Variants in MAGI2 observed in about 807,000 individuals in gnomAD.
The protein encoded by MAGI2 is membrane-associated guanylate kinase, WW and PDZ domain-containing protein 2.
In MAGI2, 35 loss-of-function variants were observed where a neutral mutation model predicts 133.3. The observed-to-expected ratio is 0.26, with a 90% CI of 0.20 to 0.35. The LOEUF is 0.35. Ranked by LOEUF, MAGI2 falls within the 10% of genes least tolerant of loss-of-function variation. The pLI, the probability that MAGI2 is intolerant of heterozygous loss-of-function variation, is 1.00. For synonymous variants in MAGI2, 729 were observed against 710.6 expected, an observed-to-expected ratio of 1.03 and a Z score of -0.41; for missense variants, 1,636 against 1,863.4, an observed-to-expected ratio of 0.88 and a Z score of 2.25.
intron 6 of MAGI2, among the ~76,000 whole-genome samples, chr7:78,395,489 A>C (rs1285652349): frequency 2.0e-5 from 3 of 152,068 alleles, no homozygotes; most frequent in Non-Finnish European, 4.4e-5. Flanking sequence ...CAAAACATCC[A>C]CCAGTAATCA....
intron 1 of MAGI2, among the ~76,000 whole-genome samples, chr7:79,395,391 T>C (rs1305381239): frequency 6.6e-6 from 1 of 152,158 alleles, no homozygotes; most frequent in Non-Finnish European, 1.5e-5. Flanking sequence ...TTCAGAAAGC[T>C]TATAATTGGT....
intron 2 of MAGI2, among the ~76,000 whole-genome samples, chr7:78,991,937 C>A (rs1423794802): frequency 6.6e-6 from 1 of 151,924 alleles, no homozygotes; most frequent in East Asian, 1.9e-4. Context: ...TCTTTCCTTC[C>A]TACTCTTCTC....
intron 21 of MAGI2, among the ~76,000 whole-genome samples, chr7:78,059,777 A>ATATATATATATTTT (rs368179491): frequency 1.4e-5 from 2 of 146,086 alleles, no homozygotes; most frequent in Non-Finnish European, 3.0e-5. Context: ...ATATATATAT[A>ATATATATATATTTT]TTTTTTTTCT....
At chr7:79,317,302 G>T (rs755371185) in intron 1 of MAGI2, among the ~76,000 whole-genome samples, 1 of 152,096 alleles carries the variant, frequency 6.6e-6, no homozygotes, top group Non-Finnish European at 1.5e-5. Context: ...GGGATTACAG[G>T]CATGAGCCTG....
At chr7:79,011,921 CT>C (rs1562785360) in intron 1 of MAGI2, among the ~76,000 whole-genome samples, 2 of 125,566 alleles carry the variant, frequency 1.6e-5, no homozygotes, top group Non-Finnish European at 3.4e-5. Context: ...TCCTTCCTTC[CT>C]TCCTTTCTTT....
chr7:79,391,518 T>TATATATATATATAGAC (rs1844627226), intron 1 of MAGI2, among the ~76,000 whole-genome samples: 3 of 59,576 alleles, frequency 5.0e-5, no homozygotes, highest in African/African-American at 5.0e-4. Flanking sequence ...CATATATATA[T>TATATATATATATAGAC]ATATATATAT....
intron 2 of MAGI2, among the ~76,000 whole-genome samples, chr7:78,889,195 A>C (rs1338434079): frequency 1.3e-5 from 2 of 151,128 alleles, no homozygotes; most frequent in Non-Finnish European, 2.9e-5. Flanking sequence ...AATAAAAAGA[A>C]ATGAACAAAG....
chr7:78,992,046 G>T (rs1015206596), intron 2 of MAGI2, among the ~76,000 whole-genome samples: 1 of 151,958 alleles, frequency 6.6e-6, no homozygotes, highest in Admixed American at 6.6e-5. Flanking sequence ...TTAAGTTTGA[G>T]TCCTTATTAG....
At chr7:78,924,901 T>G (rs1050122311) in intron 2 of MAGI2, among the ~76,000 whole-genome samples, 5 of 151,606 alleles carry the variant, frequency 3.3e-5, no homozygotes, top group African/African-American at 9.7e-5. Flanking sequence ...GATTTTAAAT[T>G]TAAAGTCCCC....
chr7:78,922,921 A>T (rs1337828024), intron 2 of MAGI2, among the ~76,000 whole-genome samples: 1 of 151,506 alleles, frequency 6.6e-6, no homozygotes, highest in Non-Finnish European at 1.5e-5. Context: ...TGTGGTTTTG[A>T]TTTGCATTTC....
At chr7:78,556,070 A>G (rs1799795797) in intron 3 of MAGI2, among the ~76,000 whole-genome samples, 1 of 152,182 alleles carries the variant, frequency 6.6e-6, no homozygotes, top group Non-Finnish European at 1.5e-5. Flanking sequence ...CTTCAATCAT[A>G]ATGCCCTATA....
At chr7:79,258,750 C>T (rs1833873900) in intron 1 of MAGI2, among the ~76,000 whole-genome samples, 2 of 152,186 alleles carry the variant, frequency 1.3e-5, no homozygotes, top group Admixed American at 6.5e-5. Context: ...CTGCCTTGGC[C>T]TCCCAAGAGG....
At chr7:79,118,625 T>G (rs1389843859) in intron 1 of MAGI2, among the ~76,000 whole-genome samples, 2 of 152,166 alleles carry the variant, frequency 1.3e-5, no homozygotes, top group Non-Finnish European at 2.9e-5. Flanking sequence ...TTCAGCTGTT[T>G]ATATAACATT....
At chr7:79,168,335 T>C (rs1254434583) in intron 1 of MAGI2, among the ~76,000 whole-genome samples, 1 of 152,108 alleles carries the variant, frequency 6.6e-6, no homozygotes, top group African/African-American at 2.4e-5. Flanking sequence ...GTCTAGCATA[T>C]ATTTTGCTAA....
At position 78,373,551 on chromosome 7, in the gene MAGI2, A is replaced by G. The variant is rs62461498; in HGVS notation, c.1046-4338T>C. 3.8e-4 allele frequency among the ~76,000 whole-genome samples: 3 copies of G among 7,974 alleles called. No homozygotes were observed. In the Admixed American group the frequency reaches 5.2e-3, roughly 14 times the overall value. 5.2% of individuals were successfully genotyped at this position (7,974 alleles called of 152,430 possible). A position where few individuals can be genotyped will look rare whatever the true frequency, so the allele number is the denominator to read the frequency against. On this transcript the variant is annotated intron_variant, in intron 6 of 21. Transcript: ENST00000354212. The stretch of plus-strand genomic sequence containing the variant: ...GGAAAAATCTAGGTCACTTACTCTT[A>G]CTATTGGAGGGCTCCTACTCACACT...
At chr7:78,094,336 T>G (rs1371950416) in intron 20 of MAGI2, among the ~76,000 whole-genome samples, 1 of 152,236 alleles carries the variant, frequency 6.6e-6, no homozygotes, top group Non-Finnish European at 1.5e-5. Context: ...TTCCATTCAA[T>G]TTCTTGCATT....
intron 6 of MAGI2, among the ~76,000 whole-genome samples, chr7:78,395,803 A>G (rs1796297532): frequency 6.6e-6 from 1 of 152,214 alleles, no homozygotes; most frequent in African/African-American, 2.4e-5. Context: ...TGTGATGAAC[A>G]TGTAGATAGA....
intron 21 of MAGI2, among the ~76,000 whole-genome samples, chr7:78,036,815 TG>T (rs1426158180): frequency 1.3e-5 from 2 of 152,168 alleles, no homozygotes; most frequent in Non-Finnish European, 2.9e-5. Context: ...GGTTTCTCCA[TG>T]TTGCCCAGGC....
intron 2 of MAGI2, among the ~76,000 whole-genome samples, chr7:78,823,683 G>T (rs186632946): frequency 2.6e-5 from 4 of 152,080 alleles, no homozygotes; most frequent in African/African-American, 9.6e-5. Context: ...TAGATGAAAA[G>T]GTTAGGTAGA....
Sources: allele counts gnomAD v4.1 joint callset (sites outside exome capture counted in the v4.1 genomes callset), GRCh38; gene constraint gnomAD v4.1.1; transcripts MANE v1.5; gene names NCBI Gene and HGNC (gene_info 2026-07-23, HGNC 2026-07-21).